C9: variants seen among roughly 807,000 people sequenced by gnomAD.
C9 encodes complement component C9.
C9 carries 63 observed loss-of-function variants against 65.4 expected under a neutral mutation model. The ratio of observed to expected loss-of-function variants is 0.96; its 90% CI spans 0.79 to 1.19. The LOEUF (loss-of-function observed/expected upper bound fraction) is 1.19, where lower values mean the gene tolerates loss of function less well. C9 is among the 50% of genes most tolerant of loss of function. The pLI is 0.00. For synonymous variants in C9, 229 were observed against 227.9 expected (o/e 1.00, Z -0.04); for missense variants, 744 against 670.1 (o/e 1.11, Z -1.22).
intron 1 of C9, among the ~76,000 whole-genome samples, chr5:39,354,883 A>T (rs959297193): frequency 2.6e-5 from 4 of 152,246 alleles, no homozygotes; most frequent in African/African-American, 9.6e-5. Flanking sequence ...TGCTATGTAC[A>T]TAGAAAACTA....
At chr5:39,343,470 G>A (rs1754129631) in intron 1 of C9, among the ~76,000 whole-genome samples, 3 of 152,208 alleles carry the variant, frequency 2.0e-5, no homozygotes, top group Non-Finnish European at 4.4e-5. Context: ...GGGCAGCGAG[G>A]CTGGGGAGGG....
intron 1 of C9, among the ~76,000 whole-genome samples, chr5:39,351,071 T>TGTG (rs1561354893): frequency 1.3e-5 from 2 of 152,194 alleles, no homozygotes; most frequent in Non-Finnish European, 2.9e-5. Flanking sequence ...TCTGTGCACC[T>TGTG]GCAGGCCCAA....
intron 6 of C9, among the ~76,000 whole-genome samples, chr5:39,313,050 A>G (rs1053889867): frequency 2.6e-5 from 4 of 152,138 alleles, no homozygotes; most frequent in Non-Finnish European, 5.9e-5. Flanking sequence ...GATTTGGGGT[A>G]AGAAAGACAT....
At position 39,307,747 on chromosome 5, in the gene C9, C is replaced by G. The variant is rs147822000; in HGVS notation, c.1240+483G>C. On this transcript the variant is annotated intron_variant, in intron 8 of 10. Transcript: ENST00000263408. ...TTAACAGTAGGAAGTAATATTTATA[C>G]CAAACATATTTGTATTTTTGAAAAG... Among the ~76,000 whole-genome samples, 412 of 152,114 alleles carry G rather than the reference C, an allele frequency of 2.7e-3. 1 individual carries two copies. Among genetic ancestry groups the G allele is most frequent in the Non-Finnish European group, 3.8e-3 (258 of 67,986 alleles).
Position 39,289,649 on chromosome 5 carries a change from C to A in C9, c.1417-698G>T, listed in dbSNP as rs575688627. On this transcript the variant is annotated intron_variant, in intron 9 of 10. Coordinates refer to ENST00000263408, the MANE Select transcript of C9 (RefSeq NM_001737.5). ...CCTATGGGGTGCCTTGAGGAAGCTGCATATGAAGTATCAGGAATCCAGTCT... is the reference window on the plus strand; with the variant it reads ...CCTATGGGGTGCCTTGAGGAAGCTGAATATGAAGTATCAGGAATCCAGTCT... 2.6e-5 allele frequency among the ~76,000 whole-genome samples: 4 copies of A among 151,888 alleles called. No individual in the cohort carries two copies. In the South Asian group the frequency reaches 8.3e-4, roughly 32 times the overall value.
chr5:39,320,982 C>A (rs776959384), intron 5 of C9, among the ~76,000 whole-genome samples: 7 of 152,032 alleles, frequency 4.6e-5, no homozygotes, highest in Non-Finnish European at 1.0e-4. Flanking sequence ...GACACAAAAG[C>A]TGTGGAAGTT....
chr5:39,316,176 T>C, intron 5 of C9, 147 bp from the exon 6 acceptor site: 1 of 647,348 alleles, frequency 1.5e-6, no homozygotes, highest in East Asian at 2.7e-5. Flanking sequence ...GTCAGATTCC[T>C]GGGGTTCAAA....
intron 7 of C9, 103 bp from the exon 8 acceptor site, chr5:39,308,461 A>C: frequency 1.2e-6 from 1 of 815,580 alleles, no homozygotes; most frequent in Non-Finnish European, 2.1e-6. Flanking sequence ...TTAGGTTCCT[A>C]TACACCATGA....
intron 4 of C9, among the ~76,000 whole-genome samples, chr5:39,332,765 G>T (rs1246992273): frequency 6.6e-6 from 1 of 152,232 alleles, no homozygotes; most frequent in Non-Finnish European, 1.5e-5. Context: ...CTGGATGTTG[G>T]TTTTAAGACC....
intron 1 of C9, among the ~76,000 whole-genome samples, chr5:39,354,594 C>T (rs1317001396): frequency 6.6e-6 from 1 of 152,078 alleles, no homozygotes; most frequent in Non-Finnish European, 1.5e-5. Context: ...CTAAAATTGT[C>T]ACTGAGCTGG....
chr5:39,336,651 G>A (rs1335233124), intron 4 of C9, among the ~76,000 whole-genome samples: 1 of 151,966 alleles, frequency 6.6e-6, no homozygotes, highest in Non-Finnish European at 1.5e-5. Flanking sequence ...ATTCATTCAT[G>A]GTGCTAGGAA....
intron 1 of C9, among the ~76,000 whole-genome samples, chr5:39,346,031 G>A (rs1211268211): frequency 6.6e-6 from 1 of 152,096 alleles, no homozygotes; most frequent in Non-Finnish European, 1.5e-5. Flanking sequence ...GTGTGTAGAG[G>A]GAAATTTATA....
rs35852227 is a variant in C9 at position 39,285,700 on chromosome 5, C to CTT, written c.1646-469_1646-468dup. 2.8e-3 allele frequency among the ~76,000 whole-genome samples: 410 copies of CTT among 143,996 alleles called. 2 individuals carry two copies. Among genetic ancestry groups the CTT allele is most frequent in the African/African-American group, 9.0e-3 (352 of 39,322 alleles). 94.5% of individuals were successfully genotyped at this position (143,996 alleles called of 152,430 possible). A position where few individuals can be genotyped will look rare whatever the true frequency, so the allele number is the denominator to read the frequency against. ...GATAGACATCTGTTTTGTTTTGTTTCTTTTTTTTTTTTTCCTTTAAGGAAG... is the reference window on the plus strand; with the variant it reads ...GATAGACATCTGTTTTGTTTTGTTTCTTTTTTTTTTTTTTTCCTTTAAGGAAG... On this transcript the variant is annotated intron_variant, in intron 10 of 10. Coordinates refer to ENST00000263408, the MANE Select transcript of C9 (RefSeq NM_001737.5).
chr5:39,347,700 C>T (rs993691343), intron 1 of C9, among the ~76,000 whole-genome samples: 3 of 152,062 alleles, frequency 2.0e-5, no homozygotes, highest in Non-Finnish European at 4.4e-5. Context: ...ACAAAAGAGC[C>T]CTCATTACCA....
At chr5:39,346,509 T>C (rs1184635216) in intron 1 of C9, among the ~76,000 whole-genome samples, 1 of 152,178 alleles carries the variant, frequency 6.6e-6, no homozygotes, top group Non-Finnish European at 1.5e-5. Flanking sequence ...TAACAGGCTC[T>C]GAAATTGAGA....
chr5:39,348,576 C>A (rs371605640), intron 1 of C9, among the ~76,000 whole-genome samples: 3 of 152,114 alleles, frequency 2.0e-5, no homozygotes, highest in Non-Finnish European at 4.4e-5. Flanking sequence ...GTTGGTGGGA[C>A]TGTAAACTAG....
chr5:39,340,853 G>T (rs1050779545), intron 4 of C9, among the ~76,000 whole-genome samples: 1 of 152,126 alleles, frequency 6.6e-6, no homozygotes, highest in South Asian at 2.1e-4. Context: ...TCTCCCAGAG[G>T]TTCCTAAATG....
chr5:39,337,976 G>T (rs1336976680), intron 4 of C9, among the ~76,000 whole-genome samples: 1 of 152,192 alleles, frequency 6.6e-6, no homozygotes. Flanking sequence ...TAAGCATGTT[G>T]CTATGATTAG....
At chr5:39,351,841 A>T (rs1019600737) in intron 1 of C9, among the ~76,000 whole-genome samples, 5 of 151,542 alleles carry the variant, frequency 3.3e-5, no homozygotes, top group African/African-American at 9.7e-5. Context: ...AGACCTCCAA[A>T]CTCTTCCAAC....
Sources: allele counts gnomAD v4.1 joint callset (sites outside exome capture counted in the v4.1 genomes callset), GRCh38; gene constraint gnomAD v4.1.1; transcripts MANE v1.5; gene names NCBI Gene and HGNC (gene_info 2026-07-23, HGNC 2026-07-21).